BRPF3: variants seen among roughly 807,000 people sequenced by gnomAD.
The protein encoded by BRPF3 is bromodomain and PHD finger containing 3.
A neutral mutation model predicts 102.0 loss-of-function variants in BRPF3; 18 were observed. That is an observed-to-expected ratio of 0.18 (90% CI 0.12 to 0.26). BRPF3 has a LOEUF of 0.26. Ranked by LOEUF, BRPF3 falls within the 10% of genes least tolerant of loss-of-function variation. BRPF3 has a pLI of 1.00. For synonymous variants in BRPF3, 570 were observed against 614.2 expected (o/e 0.93, Z 1.06); for missense variants, 1,147 against 1,567.8 (o/e 0.73, Z 4.53).
At chr6:36,217,334 G>A (rs1768364961) in intron 8 of BRPF3, among the ~76,000 whole-genome samples, 1 of 152,210 alleles carries the variant, frequency 6.6e-6, no homozygotes, top group Admixed American at 6.5e-5. Flanking sequence ...TTCCGCTGAA[G>A]AGTGCCCCCA....
chr6:36,213,075 G>T (rs960087428), intron 7 of BRPF3, among the ~76,000 whole-genome samples: 2 of 152,152 alleles, frequency 1.3e-5, no homozygotes, highest in African/African-American at 4.8e-5. Flanking sequence ...TGCTGTACTT[G>T]TTCTTACTTG....
At chr6:36,228,037 G>A (rs1561835873) in intron 11 of BRPF3, among the ~76,000 whole-genome samples, 1 of 152,196 alleles carries the variant, frequency 6.6e-6, no homozygotes, top group Non-Finnish European at 1.5e-5. Flanking sequence ...GGAAGCAGGG[G>A]CTGTGTAGGA....
chr6:36,217,801 G>A (rs1768382805), intron 8 of BRPF3, 116 bp from the exon 9 acceptor site: 8 of 722,282 alleles, frequency 1.1e-5, no homozygotes, highest in Non-Finnish European at 1.9e-5. Flanking sequence ...ACAGGGAAAG[G>A]AATAGCCATC....
intron 9 of BRPF3, 46 bp downstream of exon 9, chr6:36,218,056 C>A: frequency 6.6e-7 from 1 of 1,508,876 alleles, no homozygotes; most frequent in Non-Finnish European, 9.1e-7. Flanking sequence ...TGCTACCCCT[C>A]CTTTTACTCT....
Position 36,201,910 on chromosome 6 carries a change from C to A in BRPF3, c.1448+140C>A. 1.6e-6 allele frequency: 2 copies of A among 1,282,330 alleles called. No homozygotes were observed. Among genetic ancestry groups the A allele is most frequent in the Non-Finnish European group, 2.1e-6 (2 of 950,308 alleles). 79.4% of individuals were successfully genotyped at this position (1,282,330 alleles called of 1,614,324 possible). A position where few individuals can be genotyped will look rare whatever the true frequency, so the allele number is the denominator to read the frequency against. On this transcript the variant is annotated intron_variant, in intron 2 of 12. Coordinates refer to ENST00000357641, the MANE Select transcript of BRPF3 (RefSeq NM_015695.3). The surrounding 1 kb of genome is among the most constrained non-coding windows in gnomAD (Gnocchi z 5.1). Reference sequence around the variant, plus strand: ...TTAAACTCTTCCTTTTGACCCCAGGCTCACCTGGCCTGGTTTGTGGTTTTG... The same window carrying A: ...TTAAACTCTTCCTTTTGACCCCAGGATCACCTGGCCTGGTTTGTGGTTTTG...
chr6:36,203,997 C>G (rs190617290), intron 2 of BRPF3, among the ~76,000 whole-genome samples: 10 of 152,344 alleles, frequency 6.6e-5, no homozygotes, highest in Non-Finnish European at 1.0e-4. Flanking sequence ...TTTTCCTCCC[C>G]CAAGGAGTTA....
Position 36,201,558 on chromosome 6 carries a change from G to T in BRPF3, c.1236G>T (p.Gly412=), listed in dbSNP as rs1767700039. Residue 412 remains glycine (G), a synonymous_variant, in exon 2 of 13, where the codon GGG becomes GGT. Transcript: ENST00000357641. The surrounding 1 kb of genome is among the most constrained non-coding windows in gnomAD (Gnocchi z 5.1). ...TCAGTGAGACTGGCGATGAGGAAGG[G>T]CTGAAGGAGGGTGATGGAGAGGAGG... ...RSISETGDEE[G]LKEGDGEEEE... is the part of the protein sequence containing the mutation. 5 of 1,614,090 alleles carry T rather than the reference G, an allele frequency of 3.1e-6. No homozygotes were observed. The highest frequency in any genetic ancestry group is 4.2e-6 in the Non-Finnish European group (5 of 1,179,972).
chr6:36,225,453 G>T, intron 11 of BRPF3, 89 bp downstream of exon 11: 4 of 1,203,828 alleles, frequency 3.3e-6, no homozygotes, highest in East Asian at 2.5e-5. Context: ...AGTGTGGTGG[G>T]AGTCAGAGTG....
Position 36,207,303 on chromosome 6 carries a change from C to T in BRPF3, c.1606-10C>T, listed in dbSNP as rs750448368. 3.1e-6 allele frequency: 5 copies of T among 1,611,150 alleles called. No homozygotes were observed. The highest frequency in any genetic ancestry group is 1.3e-5 in the African/African-American group (1 of 74,946). The stretch of plus-strand genomic sequence containing the variant: ...GAGGTTCCTAGTCCCTCTTCTCTTC[C>T]CTCCTGTAGCGAGAGCAGGATGAGA... On this transcript the variant is annotated splice_polypyrimidine_tract_variant and intron_variant, in intron 3 of 12. Coordinates refer to ENST00000357641, the MANE Select transcript of BRPF3 (RefSeq NM_015695.3).
At position 36,201,494 on chromosome 6, in the gene BRPF3, CG is replaced by C; in HGVS notation, c.1174del (p.Ala392ProfsTer22). ...TGTGAGGCCCACTCGCCACCAGGTG[CG>C]GCCACTGCTAGGAGGAAGGGCGACT... ...AYCEAHSPPG[A>X]ATARRKGDSP... On this transcript the variant is annotated frameshift_variant, in exon 2 of 13. Coordinates refer to ENST00000357641, the MANE Select transcript of BRPF3 (RefSeq NM_015695.3). LOFTEE classifies it high-confidence loss of function. This position sits in a 1 kb window ranked among gnomAD's most constrained non-coding sequence, Gnocchi z 5.1. The C allele has an allele frequency of 6.2e-7, 1 of 1,614,148 alleles. No homozygotes were observed. The highest frequency in any genetic ancestry group is 8.5e-7 in the Non-Finnish European group (1 of 1,180,036).
intron 1 of BRPF3, chr6:36,197,179 C>T (rs915875331): frequency 1.3e-5 from 2 of 152,546 alleles, no homozygotes; most frequent in Non-Finnish European, 2.9e-5. Context: ...GACCCCCTCC[C>T]GCAGCCGCCA....
chr6:36,204,942 G>A (rs923649260), intron 3 of BRPF3, 128 bp downstream of exon 3: 13 of 1,273,042 alleles, frequency 1.0e-5, no homozygotes, highest in East Asian at 4.8e-5. Context: ...TGTCTGGGTG[G>A]CCTATCCCAG....
Position 36,200,498 on chromosome 6 carries a change from A to G in BRPF3, c.176A>G (p.Lys59Arg), listed in dbSNP as rs1360920293. ...CGTATCAGCATCTATGACCCACTCA[A>G]AATCATTACTGAAGATGAGCTAACT... ...LHRISIYDPLKIITEDELTAQ... is the reference protein window; with the variant it reads ...LHRISIYDPLRIITEDELTAQ... Residue 59 changes from lysine to arginine, a missense_variant, in exon 2 of 13, where the codon AAA (lysine) becomes AGA (arginine). This residue lies in a region of BRPF3 where 221 missense variants were observed against 337.1 expected (regional missense o/e 0.66). Coordinates refer to ENST00000357641, the MANE Select transcript of BRPF3 (RefSeq NM_015695.3). This position sits in a 1 kb window ranked among gnomAD's most constrained non-coding sequence, Gnocchi z 5.3. The G allele has an allele frequency of 1.9e-6, 3 of 1,614,262 alleles. No homozygotes were observed. Among genetic ancestry groups the G allele is most frequent in the Non-Finnish European group, 1.7e-6 (2 of 1,180,058 alleles).
intron 1 of BRPF3, among the ~76,000 whole-genome samples, chr6:36,198,930 A>G (rs1314592988): frequency 3.9e-5 from 6 of 152,184 alleles, no homozygotes. Context: ...TTTTGAGGTA[A>G]CAGAATGCAT....
chr6:36,225,463 G>T, intron 11 of BRPF3, 99 bp downstream of exon 11: 5 of 1,087,884 alleles, frequency 4.6e-6, no homozygotes, highest in Admixed American at 2.2e-5. Flanking sequence ...GAGTCAGAGT[G>T]TCTTTAGCTG....
At chr6:36,212,583 A>G (rs2127287048) in intron 7 of BRPF3, among the ~76,000 whole-genome samples, 1 of 151,960 alleles carries the variant, frequency 6.6e-6, no homozygotes, top group East Asian at 1.9e-4. Flanking sequence ...AAAAAAAAAA[A>G]AAAAAAAAAA....
At chr6:36,225,412 G>A (rs1434466081) in intron 11 of BRPF3, 48 bp downstream of exon 11, 1 of 1,529,504 alleles carries the variant, frequency 6.5e-7, no homozygotes, top group Non-Finnish European at 9.0e-7. Flanking sequence ...GCCTTGCCTT[G>A]GGGGCTAATC....
chr6:36,197,345 G>A (rs934537298), intron 1 of BRPF3: 12 of 152,462 alleles, frequency 7.9e-5, no homozygotes, highest in African/African-American at 2.9e-4. Context: ...ATGGGTTCTC[G>A]CCTCTCCGCC....
chr6:36,202,219 A>G (rs1052140650), intron 2 of BRPF3, among the ~76,000 whole-genome samples: 41 of 152,168 alleles, frequency 2.7e-4, no homozygotes, highest in African/African-American at 9.2e-4. Context: ...ACCCTTGGGG[A>G]GGGTAGAACT....
Sources: allele counts gnomAD v4.1 joint callset (sites outside exome capture counted in the v4.1 genomes callset), GRCh38; gene constraint gnomAD v4.1.1; regional missense constraint gnomAD v4.1.1; non-coding constraint Gnocchi (gnomAD v3.1); transcripts MANE v1.5; gene names NCBI Gene and HGNC (gene_info 2026-07-23, HGNC 2026-07-21).